Variants in GARS1 observed in about 807,000 individuals in gnomAD.
GARS1 encodes glycine--tRNA ligase.
In GARS1, 46 loss-of-function variants were observed where a neutral mutation model predicts 86.4. The observed-to-expected ratio is 0.53, with a 90% confidence interval of 0.42 to 0.68. The LOEUF is 0.68. Ranked by LOEUF, GARS1 falls within the 30% of genes least tolerant of loss-of-function variation. GARS1 has a pLI of 0.00. For missense variants in GARS1, 797 were observed against 915.6 expected, an observed-to-expected ratio of 0.87 and a Z score of 1.67; for synonymous variants, 342 against 329.8, an observed-to-expected ratio of 1.04 and a Z score of -0.40.
At chr7:30,623,874 A>G (rs951636928) in intron 12 of GARS1, among the ~76,000 whole-genome samples, 2 of 152,250 alleles carry the variant, frequency 1.3e-5, no homozygotes, top group African/African-American at 4.8e-5. Context: ...AAGAATGATT[A>G]GAATTCATAT....
At chr7:30,621,792 A>C (rs1242058794) in intron 11 of GARS1, 1 of 494,748 alleles carries the variant, frequency 2.0e-6, no homozygotes, top group South Asian at 2.3e-5. Context: ...TCCAAAACGC[A>C]CTTCACACCT....
At chr7:30,629,264 G>C (rs564029139) in intron 14 of GARS1, among the ~76,000 whole-genome samples, 15 of 152,252 alleles carry the variant, frequency 9.9e-5, no homozygotes, top group Non-Finnish European at 1.6e-4. Context: ...TAGTTGTCTG[G>C]GGTATAGCCT....
At chr7:30,625,488 T>C (rs1344592147) in intron 12 of GARS1, among the ~76,000 whole-genome samples, 1 of 152,128 alleles carries the variant, frequency 6.6e-6, no homozygotes, top group East Asian at 1.9e-4. Flanking sequence ...GACAACCACA[T>C]GAGGGCTCTC....
intron 10 of GARS1, among the ~76,000 whole-genome samples, chr7:30,620,087 G>A (rs1782972752): frequency 6.7e-6 from 1 of 149,482 alleles, no homozygotes; most frequent in African/African-American, 2.5e-5. Context: ...AAGCTTAGTA[G>A]TTTTGATGGT....
intron 13 of GARS1, chr7:30,627,219 C>T: frequency 5.6e-6 from 2 of 358,596 alleles, no homozygotes; most frequent in Non-Finnish European, 1.1e-5. Flanking sequence ...TTGTTCTTGG[C>T]TTGTCTTGTA....
chr7:30,605,466 A>AT (rs1455778062), intron 6 of GARS1, among the ~76,000 whole-genome samples: 4 of 152,162 alleles, frequency 2.6e-5, no homozygotes, highest in Non-Finnish European at 5.9e-5. Context: ...TCACTGTTAG[A>AT]TTTTTTTGTA....
intron 6 of GARS1, among the ~76,000 whole-genome samples, chr7:30,603,786 C>T (rs1562773131): frequency 6.6e-6 from 1 of 152,134 alleles, no homozygotes; most frequent in South Asian, 2.1e-4. Context: ...CTAACAAGTC[C>T]GTGTTAATAG....
At chr7:30,622,186 C>T (rs1430360067) in intron 11 of GARS1, 131 bp from the exon 12 acceptor site, 1 of 1,059,838 alleles carries the variant, frequency 9.4e-7, no homozygotes, top group Non-Finnish European at 1.4e-6. Flanking sequence ...GCCTTAAAAT[C>T]AGCATAAACA....
chr7:30,628,727 T>TA, intron 14 of GARS1, 58 bp downstream of exon 14: 1 of 1,117,804 alleles, frequency 8.9e-7, no homozygotes. Flanking sequence ...TTTTCTGAAT[T>TA]ACATTGTGAA....
chr7:30,610,872 T>C (rs1425202002), intron 7 of GARS1, among the ~76,000 whole-genome samples: 3 of 152,154 alleles, frequency 2.0e-5, no homozygotes, highest in Non-Finnish European at 4.4e-5. Context: ...ATTTAGAAAA[T>C]GGGAAGTATA....
chr7:30,631,630 T>C, intron 15 of GARS1, 89 bp downstream of exon 15: 2 of 846,988 alleles, frequency 2.4e-6, no homozygotes, highest in Non-Finnish European at 2.0e-6. Context: ...AATAAAAATA[T>C]AGACTGAATA....
Position 30,631,488 on chromosome 7 carries a change from C to G in GARS1, c.1850C>G (p.Ser617Cys), listed in dbSNP as rs765235116. The change falls in exon 15 of 17, where the codon TCC (serine) becomes TGC (cysteine). Residue 617 changes from serine (S) to cysteine (C), a missense_variant. Physicochemically the swap from Ser to Cys is moderately radical, Grantham distance 112. Coordinates refer to ENST00000389266, the MANE Select transcript of GARS1 (RefSeq NM_002047.4). ...FPAVVAPFKC[S>C]VLPLSQNQEF... The stretch of plus-strand genomic sequence containing the variant: ...GCTGTAGTTGCTCCATTCAAATGTT[C>G]CGTCCTCCCACTGAGCCAAAACCAG... 2 of 1,613,678 alleles carry G rather than the reference C, an allele frequency of 1.2e-6. No individual in the cohort carries two copies. The highest frequency in any genetic ancestry group is 4.5e-5 in the East Asian group (2 of 44,860).
upstream of GARS1, chr7:30,594,861 G>T (rs1044146793): frequency 7.1e-7 from 1 of 1,400,802 alleles, no homozygotes; most frequent in South Asian, 1.2e-5. Context: ...CATGCTCCGA[G>T]CCGGGCGGCG....
intron 14 of GARS1, among the ~76,000 whole-genome samples, chr7:30,630,519 T>TC (rs1783214566): frequency 8.3e-6 from 1 of 121,054 alleles, no homozygotes. Context: ...ATTTTCGCCT[T>TC]TTTTTTTTTT....
intron 8 of GARS1, among the ~76,000 whole-genome samples, chr7:30,612,606 G>T (rs756196682): frequency 6.6e-6 from 1 of 151,856 alleles, no homozygotes; most frequent in Non-Finnish European, 1.5e-5. Context: ...GGGTGGGGTC[G>T]GGTGGGGGTA....
Position 30,632,088 on chromosome 7 carries a change from A to T in GARS1, c.1904-159A>T. On this transcript the variant is annotated intron_variant, in intron 15 of 16. Transcript: ENST00000389266. The surrounding 1 kb of genome is among the most constrained non-coding windows in gnomAD (Gnocchi z 4.1). ...AGATTTGGATTCCCGCAAGGGATTT[A>T]TTAAACTTTAGGGATATTTCTTTCT... The T allele has an allele frequency of 4.2e-5, 30 of 717,864 alleles. 1 individual carries two copies. In the South Asian group the frequency reaches 4.8e-4, roughly 12 times the overall value. 44.5% of individuals were successfully genotyped at this position (717,864 alleles called of 1,614,324 possible). A position where few individuals can be genotyped will look rare whatever the true frequency, so the allele number is the denominator to read the frequency against.
intron 2 of GARS1, among the ~76,000 whole-genome samples, chr7:30,599,181 G>A (rs1429707011): frequency 5.3e-5 from 8 of 152,026 alleles, no homozygotes; most frequent in Non-Finnish European, 1.0e-4. Flanking sequence ...TCTTCTTTAC[G>A]ACTTCTCTTA....
chr7:30,622,206 G>T, intron 11 of GARS1, 111 bp from the exon 12 acceptor site: 2 of 1,265,018 alleles, frequency 1.6e-6, no homozygotes, highest in Non-Finnish European at 1.1e-6. Context: ...AGGATCTGGA[G>T]TACTGATAGA....
chr7:30,612,100 T>C lies in GARS1; in HGVS notation c.886T>C (p.Leu296=). The C allele has an allele frequency of 6.2e-7, 1 of 1,613,710 alleles. No individual in the cohort carries two copies. Among genetic ancestry groups the C allele is most frequent in the East Asian group, 2.2e-5 (1 of 44,872 alleles). Residue 296 remains leucine, a synonymous_variant, in exon 8 of 17, where the codon TTG becomes CTG. Transcript: ENST00000389266. ...CTGACTTACTTAAATTTATAGGTACTTGAGACCAGAAACTGCACAGGGGAT... is the reference window on the plus strand; with the variant it reads ...CTGACTTACTTAAATTTATAGGTACCTGAGACCAGAAACTGCACAGGGGAT... ...IGPGGNMPGY[L]RPETAQGIFL... is the part of the protein sequence containing the mutation.
Sources: gnomAD v4.1 joint callset for allele counts (sites outside exome capture counted in the v4.1 genomes callset) on GRCh38, gnomAD v4.1.1 for gene constraint, Gnocchi (gnomAD v3.1) non-coding constraint, MANE v1.5 for transcripts, NCBI Gene and HGNC (gene_info 2026-07-23, HGNC 2026-07-21) for gene names.